Variants in MYO1E observed in about 807,000 individuals in gnomAD.
MYO1E encodes unconventional myosin-Ie.
Under a neutral mutation model 151.1 loss-of-function variants are expected in MYO1E, and 68 were observed. The observed-to-expected ratio is 0.45, with a 90% CI of 0.37 to 0.55. The LOEUF (loss-of-function observed/expected upper bound fraction) is 0.55, where lower values mean the gene tolerates loss of function less well. Ranked by LOEUF, MYO1E falls within the 20% of genes least tolerant of loss-of-function variation. The pLI is 0.00. For missense variants in MYO1E, 1,363 were observed against 1,389.3 expected (o/e 0.98, Z 0.30); for synonymous variants, 601 against 501.7 (o/e 1.20, Z -2.64).
intron 1 of MYO1E, among the ~76,000 whole-genome samples, chr15:59,330,682 ACCTTTATGAAAATCATGTAG>A (rs1462696586): frequency 6.6e-6 from 1 of 152,196 alleles, no homozygotes; most frequent in African/African-American, 2.4e-5. Context: ...CACCTGTCCC[ACCTTTATGAAAATCATGTAG>A]AACAGGAGTC....
chr15:59,272,467 A>G lies in MYO1E; in HGVS notation c.4-18T>C. On this transcript the variant is annotated intron_variant, in intron 1 of 27. Coordinates refer to ENST00000288235, the MANE Select transcript of MYO1E (RefSeq NM_004998.4). Reference sequence around the variant, plus strand: ...TTGCTTCCCTGGGAACATAAAACATACAATTACTAGGATAGTTTGTTTTCC... The same window carrying G: ...TTGCTTCCCTGGGAACATAAAACATGCAATTACTAGGATAGTTTGTTTTCC... The G allele has an allele frequency of 6.2e-7, 1 of 1,613,642 alleles. No individual in the cohort carries two copies. The highest frequency in any genetic ancestry group is 1.7e-5 in the Admixed American group (1 of 60,024).
intron 1 of MYO1E, among the ~76,000 whole-genome samples, chr15:59,346,165 T>G (rs1279306780): frequency 6.6e-6 from 1 of 152,140 alleles, no homozygotes; most frequent in East Asian, 1.9e-4. Context: ...TCTTTCCCCT[T>G]CTTCCACTTG....
intron 1 of MYO1E, among the ~76,000 whole-genome samples, chr15:59,336,981 T>A (rs1283568995): frequency 1.3e-5 from 2 of 151,936 alleles, no homozygotes; most frequent in African/African-American, 4.8e-5. Flanking sequence ...GTTTTCTTTA[T>A]CCTGTCTATC....
chr15:59,136,563 A>C lies in MYO1E; in HGVS notation c.*817T>G. The C allele has an allele frequency of 2.7e-6, 1 of 372,618 alleles. No homozygotes were observed. Among genetic ancestry groups the C allele is most frequent in the South Asian group, 2.0e-5 (1 of 50,224 alleles). The allele number at this position is 372,618 out of a possible 1,614,324, so 23.1% of individuals were successfully genotyped here. A position where few individuals can be genotyped will look rare whatever the true frequency, so the allele number is the denominator to read the frequency against. On this transcript the variant is annotated 3_prime_UTR_variant, in exon 28 of 28. Coordinates refer to ENST00000288235, the MANE Select transcript of MYO1E (RefSeq NM_004998.4). ...CCTACCTTATGAATGAGTACAGTGG[A>C]ATACTACTTAGTACATTCATACATG...
At chr15:59,208,451 T>C in intron 14 of MYO1E, 1 of 615,922 alleles carries the variant, frequency 1.6e-6, no homozygotes, top group Non-Finnish European at 2.9e-6. Context: ...CCTATGTTCA[T>C]TTATATGCTG....
At chr15:59,242,590 A>G (rs2080106554) in intron 4 of MYO1E, among the ~76,000 whole-genome samples, 1 of 152,234 alleles carries the variant, frequency 6.6e-6, no homozygotes. Flanking sequence ...ATGGAAACAG[A>G]TATATCACCA....
intron 1 of MYO1E, among the ~76,000 whole-genome samples, chr15:59,369,564 AT>A (rs1415459333): frequency 1.4e-4 from 22 of 152,204 alleles, no homozygotes; most frequent in African/African-American, 5.3e-4. Flanking sequence ...GTCAACAGAG[AT>A]TTTTTTGTAC....
chr15:59,180,900 G>T (rs2079654544), intron 18 of MYO1E, among the ~76,000 whole-genome samples: 2 of 152,190 alleles, frequency 1.3e-5, no homozygotes, highest in South Asian at 4.1e-4. Context: ...TTCAGTTTAA[G>T]ACTCAAATAT....
At chr15:59,158,761 G>A (rs1294348488) in intron 24 of MYO1E, among the ~76,000 whole-genome samples, 3 of 152,182 alleles carry the variant, frequency 2.0e-5, no homozygotes, top group East Asian at 1.9e-4. Flanking sequence ...GCGGATCAAC[G>A]GGGTTGGCAT....
At chr15:59,222,584 T>A (rs2079962623) in intron 9 of MYO1E, among the ~76,000 whole-genome samples, 1 of 152,148 alleles carries the variant, frequency 6.6e-6, no homozygotes, top group Admixed American at 6.5e-5. Context: ...TGTAATCCAA[T>A]CCATGGAACA....
chr15:59,321,323 A>G (rs908676284), intron 1 of MYO1E, among the ~76,000 whole-genome samples: 2 of 152,264 alleles, frequency 1.3e-5, no homozygotes, highest in African/African-American at 2.4e-5. Context: ...CAGCAATCCC[A>G]TTACTGGGTA....
At chr15:59,223,642 G>T (rs2079970060) in intron 8 of MYO1E, among the ~76,000 whole-genome samples, 1 of 152,148 alleles carries the variant, frequency 6.6e-6, no homozygotes, top group Non-Finnish European at 1.5e-5. Flanking sequence ...CCTACTCAAA[G>T]TGGACTCGAG....
At chr15:59,233,642 G>A (rs966982389) in intron 5 of MYO1E, among the ~76,000 whole-genome samples, 3 of 126,766 alleles carry the variant, frequency 2.4e-5, no homozygotes, top group South Asian at 2.7e-4. Context: ...CCAGCCTGGC[G>A]ACAGAGCGAG....
intron 1 of MYO1E, among the ~76,000 whole-genome samples, chr15:59,295,411 C>G (rs922173354): frequency 1.3e-5 from 2 of 152,096 alleles, no homozygotes; most frequent in Non-Finnish European, 2.9e-5. Flanking sequence ...GAAACGGTAG[C>G]CTCGGTTAAG....
chr15:59,308,489 T>C (rs2080529515), intron 1 of MYO1E, among the ~76,000 whole-genome samples: 1 of 151,736 alleles, frequency 6.6e-6, no homozygotes, highest in African/African-American at 2.4e-5. Flanking sequence ...CTGGCCAACA[T>C]AGCAAAACCC....
Position 59,138,349 on chromosome 15 carries a change from G to A in MYO1E, c.3099C>T (p.Thr1033=), listed in dbSNP as rs773573231. The A allele has an allele frequency of 2.5e-6, 4 of 1,614,124 alleles. No homozygotes were observed. In the Middle Eastern group the frequency reaches 6.6e-4, roughly 266 times the overall value. ...TGCCCCCTGCTGGGGGAGGCCGACT[G>A]GTTGTTTGTCTCCTGACCCTGTGGA... The part of the protein sequence containing the change: ...QGAAGVRRQT[T]SRPPPAGGRP... The change falls in exon 27 of 28, where the codon ACC becomes ACT. Residue 1033 remains threonine, a synonymous_variant. Coordinates refer to ENST00000288235, the MANE Select transcript of MYO1E (RefSeq NM_004998.4).
At chr15:59,184,473 G>A (rs553855963) in intron 18 of MYO1E, among the ~76,000 whole-genome samples, 107 of 151,708 alleles carry the variant, frequency 7.1e-4, no homozygotes, top group African/African-American at 2.2e-3. Context: ...CAATTTTCCC[G>A]CCTCAGCCTC....
intron 1 of MYO1E, among the ~76,000 whole-genome samples, chr15:59,310,043 T>C (rs1208097089): frequency 6.6e-6 from 1 of 152,176 alleles, no homozygotes; most frequent in Non-Finnish European, 1.5e-5. Context: ...TCACCTGCAA[T>C]AGCGCCCTAA....
chr15:59,308,838 C>A (rs200962887), intron 1 of MYO1E, among the ~76,000 whole-genome samples: 33 of 145,126 alleles, frequency 2.3e-4, no homozygotes, highest in African/African-American at 2.8e-4. Flanking sequence ...AACTCCATCT[C>A]AAAAAAAAAA....
Sources: gnomAD v4.1 joint callset for allele counts (sites outside exome capture counted in the v4.1 genomes callset) on GRCh38, gnomAD v4.1.1 for gene constraint, MANE v1.5 for transcripts, NCBI Gene and HGNC (gene_info 2026-07-23, HGNC 2026-07-21) for gene names.